Variants in NYAP2 observed in about 807,000 individuals in gnomAD.
NYAP2 encodes the protein neuronal tyrosine-phosphorylated phosphoinositide-3-kinase adaptor 2.
Under a neutral mutation model 50.4 loss-of-function variants are expected in NYAP2, and 23 were observed. That is an observed-to-expected ratio of 0.46 (90% CI 0.33 to 0.65). The LOEUF is 0.65. NYAP2 is among the 30% of genes least tolerant of loss of function. The probability of loss-of-function intolerance (pLI) is 0.02; values close to 1 mark genes in which losing one functional copy is unlikely to be tolerated. For synonymous variants in NYAP2, 394 were observed against 365.2 expected, an observed-to-expected ratio of 1.08 and a Z score of -0.90; for missense variants, 885 against 861.0, an observed-to-expected ratio of 1.03 and a Z score of -0.35.
chr2:225,621,243 T>C (rs1367444619), intron 5 of NYAP2, among the ~76,000 whole-genome samples: 1 of 152,126 alleles, frequency 6.6e-6, no homozygotes, highest in African/African-American at 2.4e-5. Context: ...AGCTTGGGAA[T>C]AGTTTATAAT....
At chr2:225,613,803 A>G (rs1006448627) in intron 5 of NYAP2, among the ~76,000 whole-genome samples, 1 of 152,158 alleles carries the variant, frequency 6.6e-6, no homozygotes, top group Non-Finnish European at 1.5e-5. Context: ...TTCATTTATT[A>G]TATAGTCCAC....
chr2:225,690,839 T>C, the NYAP2 span, among the ~76,000 whole-genome samples: 8 of 152,082 alleles, frequency 5.3e-5, no homozygotes, highest in Non-Finnish European at 1.0e-4. Flanking sequence ...ATACTCTTGA[T>C]TTTGTTTTAT....
chr2:225,591,223 T>G (rs1001418832), intron 5 of NYAP2, among the ~76,000 whole-genome samples: 2 of 152,008 alleles, frequency 1.3e-5, no homozygotes, highest in African/African-American at 4.8e-5. Context: ...TCACAGGCAA[T>G]AGGAGAGAAT....
At chr2:225,432,831 T>C (rs1357800719) in intron 3 of NYAP2, among the ~76,000 whole-genome samples, 1 of 152,154 alleles carries the variant, frequency 6.6e-6, no homozygotes, top group Non-Finnish European at 1.5e-5. Context: ...CCATACAAAT[T>C]CCCTCTTGTG....
At chr2:225,650,963 G>A (rs1304912824) in intron 6 of NYAP2, among the ~76,000 whole-genome samples, 1 of 152,190 alleles carries the variant, frequency 6.6e-6, no homozygotes, top group African/African-American at 2.4e-5. Flanking sequence ...TGAAAATCAA[G>A]ATGAGTTGAA....
intron 3 of NYAP2, among the ~76,000 whole-genome samples, chr2:225,447,211 A>T (rs1401337754): frequency 1.3e-5 from 2 of 152,180 alleles, no homozygotes; most frequent in African/African-American, 2.4e-5. Flanking sequence ...AAAACTCAAC[A>T]GGATACTTCC....
chr2:225,619,268 T>A (rs1206979475), intron 5 of NYAP2, among the ~76,000 whole-genome samples: 1 of 152,104 alleles, frequency 6.6e-6, no homozygotes, highest in Non-Finnish European at 1.5e-5. Context: ...AAATGCAAAG[T>A]GGAAGTTTGT....
the NYAP2 span, among the ~76,000 whole-genome samples, chr2:225,665,560 C>G: frequency 6.7e-6 from 1 of 149,988 alleles, no homozygotes; most frequent in South Asian, 2.1e-4. Context: ...AGCACACCAC[C>G]TTTCCCTAGC....
chr2:225,670,766 C>A, the NYAP2 span, among the ~76,000 whole-genome samples: 3 of 151,920 alleles, frequency 2.0e-5, no homozygotes, highest in Admixed American at 6.6e-5. Context: ...TACAGGCATA[C>A]CTTGGAGGTA....
chr2:225,619,200 G>T (rs1227107298), intron 5 of NYAP2, among the ~76,000 whole-genome samples: 1 of 152,180 alleles, frequency 6.6e-6, no homozygotes, highest in Non-Finnish European at 1.5e-5. Flanking sequence ...TTACAAATAT[G>T]GAAATTGGGG....
At chr2:225,589,558 G>T (rs1692457512) in intron 5 of NYAP2, among the ~76,000 whole-genome samples, 1 of 91,872 alleles carries the variant, frequency 1.1e-5, no homozygotes, top group African/African-American at 3.8e-5. Context: ...AGCTGGGTGT[G>T]GTGTCACATG....
chr2:225,625,668 T>C (rs951261287), intron 5 of NYAP2, among the ~76,000 whole-genome samples: 2 of 152,052 alleles, frequency 1.3e-5, no homozygotes, highest in African/African-American at 4.8e-5. Context: ...CTACAACCAA[T>C]GTAATACAGG....
chr2:225,525,579 T>G (rs2299987), intron 4 of NYAP2, among the ~76,000 whole-genome samples: 2 of 152,050 alleles, frequency 1.3e-5, no homozygotes, highest in African/African-American at 4.8e-5. Flanking sequence ...TGGGTACACA[T>G]GGACAAACAG....
At chr2:225,639,162 AG>A in intron 6 of NYAP2, among the ~76,000 whole-genome samples, 1 of 152,234 alleles carries the variant, frequency 6.6e-6, no homozygotes, top group South Asian at 2.1e-4. Flanking sequence ...GCTTCTGGGG[AG>A]AAAAAAATAA....
chr2:225,511,327 AACACACACACACACACAC>A (rs571887973), intron 3 of NYAP2, among the ~76,000 whole-genome samples: 1,543 of 129,914 alleles, frequency 0.012, 37 homozygotes, highest in African/African-American at 0.044. Context: ...CGTTCTTTAA[AACACACACACACACACAC>A]ACACACACAC....
At chr2:225,697,186 G>C in the NYAP2 span, among the ~76,000 whole-genome samples, 1 of 151,924 alleles carries the variant, frequency 6.6e-6, no homozygotes, top group Non-Finnish European at 1.5e-5. Context: ...GTTACTGGTA[G>C]ACATGGTGCC....
At chr2:225,621,721 TA>T (rs1274100451) in intron 5 of NYAP2, among the ~76,000 whole-genome samples, 1 of 152,098 alleles carries the variant, frequency 6.6e-6, no homozygotes, top group Non-Finnish European at 1.5e-5. Flanking sequence ...ATTTTTTTTT[TA>T]ATTATACTTT....
intron 6 of NYAP2, among the ~76,000 whole-genome samples, chr2:225,642,320 A>AC (rs1391858703): frequency 6.6e-6 from 1 of 152,026 alleles, no homozygotes; most frequent in African/African-American, 2.4e-5. Context: ...AATCAGATTG[A>AC]CCCCCAATAA....
intron 4 of NYAP2, among the ~76,000 whole-genome samples, chr2:225,569,519 A>G (rs1692029541): frequency 1.3e-5 from 2 of 152,244 alleles, no homozygotes; most frequent in Admixed American, 1.3e-4. Flanking sequence ...ATTGACTTCC[A>G]TGCTTCAACA....
Sources: gnomAD v4.1 joint callset for allele counts (sites outside exome capture counted in the v4.1 genomes callset) on GRCh38, gnomAD v4.1.1 for gene constraint, MANE v1.5 for transcripts, NCBI Gene and HGNC (gene_info 2026-07-23, HGNC 2026-07-21) for gene names.